The following E2F8 variants were observed in gnomAD, a reference collection of about 807,000 sequenced individuals.
E2F8 encodes E2F transcription factor 8.
In E2F8, 35 loss-of-function variants were observed where a neutral mutation model predicts 80.8. That is an observed-to-expected ratio of 0.43 (90% CI 0.33 to 0.57). The LOEUF (loss-of-function observed/expected upper bound fraction) is 0.57, where lower values mean the gene tolerates loss of function less well. E2F8 is among the 20% of genes least tolerant of loss of function. The pLI, the probability that E2F8 is intolerant of heterozygous loss-of-function variation, is 0.04. For synonymous variants in E2F8, 386 were observed against 395.0 expected (o/e 0.98, Z 0.27); for missense variants, 975 against 1,056.2 (o/e 0.92, Z 1.07).
rs1186809563 is a variant in E2F8, at chr11:19,225,225, T to G, written c.2417A>C (p.Gln806Pro). Residue 806 changes from glutamine (Q) to proline (P), a missense_variant, in exon 12 of 13, where the codon CAA becomes CCA. Coordinates refer to ENST00000250024, the MANE Select transcript of E2F8 (RefSeq NM_024680.4). ...ATTAAGTAGAAAGCCTCTCACCTGT[T>G]GTGCCCCTGTCACAGCAACTGATTG... ...NGQSVAVTGA[Q>P]QPVPVTPKGS... is the part of the protein sequence containing the mutation. The G allele has an allele frequency of 1.9e-6, 3 of 1,613,160 alleles. No homozygotes were observed. The South Asian group carries it at 3.3e-5, about 18-fold the overall frequency.
rs765576764 is a variant in E2F8 at position 19,233,864 on chromosome 11, C to T, written c.928+496G>A. On this transcript the variant is annotated intron_variant, in intron 6 of 12. Transcript: ENST00000250024. The stretch of plus-strand genomic sequence containing the variant: ...ATAAGAGTAGTGATACTTGGCCAGG[C>T]GCAGTGGCTCAGGCCTGTAATTTTG... Among the ~76,000 whole-genome samples the T allele has an allele frequency of 2.2e-4, 34 of 151,506 alleles. 1 individual carries two copies. The highest frequency in any genetic ancestry group is 2.0e-3 in the Admixed American group (30 of 15,242).
chr11:19,225,418 C>T lies in E2F8; in HGVS notation c.2224G>A (p.Gly742Arg). The T allele has an allele frequency of 6.2e-7, 1 of 1,614,100 alleles. No homozygotes were observed. Among genetic ancestry groups the T allele is most frequent in the East Asian group, 2.2e-5 (1 of 44,872 alleles). The change falls in exon 12 of 13, where the codon GGA becomes AGA. Residue 742 changes from glycine (G) to arginine (R), a missense_variant. Physicochemically the swap from Gly to Arg is moderately radical, Grantham distance 125 (BLOSUM62 -2). Transcript: ENST00000250024. Reference sequence around the variant, plus strand: ...AACTGCACATTGGGTGAGATGAGTCCCAGGTGCTGCAGGGTGAAGTTTACA... The same window carrying T: ...AACTGCACATTGGGTGAGATGAGTCTCAGGTGCTGCAGGGTGAAGTTTACA... ...AIVNFTLQHLGLISPNVQLSA... is the reference protein window; with the variant it reads ...AIVNFTLQHLRLISPNVQLSA...
intron 10 of E2F8, 147 bp from the exon 11 acceptor site, chr11:19,226,011 T>C: frequency 1.1e-6 from 1 of 874,186 alleles, no homozygotes; most frequent in East Asian, 2.5e-5. Flanking sequence ...GCTGGTCACC[T>C]GGCTCCTAGA....
chr11:19,225,762 T>C lies in E2F8; in HGVS notation c.1996A>G (p.Asn666Asp). 1 of 1,614,212 alleles carries C rather than the reference T, an allele frequency of 6.2e-7. No individual in the cohort carries two copies. ...GKENSSALSP[N>D]HRIYSSPIAG... ...ATTGGGGAGCTGTAAATCCTGTGGT[T>C]TGGGGAAAGAGCACTTGAGTTTTCT... Residue 666 changes from asparagine to aspartate, a missense_variant, in exon 11 of 13, where the codon AAC becomes GAC. Transcript: ENST00000250024.
intron 6 of E2F8, 127 bp from the exon 7 acceptor site, chr11:19,232,498 C>T: frequency 2.8e-6 from 2 of 723,278 alleles, no homozygotes; most frequent in Non-Finnish European, 4.2e-6. Context: ...GAAACATCTG[C>T]CTCCTTTTAA....
chr11:19,231,363 C>T (rs6483585), intron 7 of E2F8, among the ~76,000 whole-genome samples: 2,181 of 152,360 alleles, frequency 0.014, 44 homozygotes, highest in African/African-American at 0.049. Flanking sequence ...AAGGACCTCT[C>T]TCTGAGATTA....
In E2F8 at chr11:19,229,522, T is replaced by C. The variant is rs750531379; in HGVS notation, c.1825A>G (p.Met609Val). The C allele has an allele frequency of 3.1e-6, 5 of 1,614,270 alleles. No homozygotes were observed. The South Asian group carries it at 3.3e-5, about 11-fold the overall frequency. The change falls in exon 10 of 13, where the codon ATG becomes GTG. Residue 609 changes from methionine (M) to valine (V), a missense_variant. Transcript: ENST00000250024. This position sits in a 1 kb window ranked among gnomAD's most constrained non-coding sequence, Gnocchi z 4.3. ...TTTTTGGAACCACTGTCCTCGAGCA[T>C]GCTTGCCCTCTTTGAGCCTCTTTCT... Reference protein sequence around the residue: ...AGERGSKRASMLEDSGSKKKF... With the variant: ...AGERGSKRASVLEDSGSKKKF...
intron 6 of E2F8, among the ~76,000 whole-genome samples, chr11:19,233,709 G>C (rs1289891600): frequency 6.6e-6 from 1 of 151,840 alleles, no homozygotes; most frequent in African/African-American, 2.4e-5. Context: ...AGGTTGGTCT[G>C]GATCTCCTGA....
intron 10 of E2F8, among the ~76,000 whole-genome samples, chr11:19,227,613 C>T (rs574533576): frequency 6.6e-6 from 1 of 152,218 alleles, no homozygotes; most frequent in Non-Finnish European, 1.5e-5. Context: ...AGCCCTTCCA[C>T]CCCTTCCTCC....
At chr11:19,225,697 G>C (rs192685979) in intron 11 of E2F8, 35 bp downstream of exon 11, 20 of 1,612,346 alleles carry the variant, frequency 1.2e-5, no homozygotes, top group Non-Finnish European at 1.5e-5. Context: ...ACTTGAGACC[G>C]GCCCACATCT....
At position 19,237,916 on chromosome 11, in the gene E2F8, C is replaced by G; in HGVS notation, c.232G>C (p.Asp78His). ...TTGTCAAACAAACCCCTTTTCTGAT[C>G]TCTGTTGCGGATCTCAGGGCTCACA... The part of the protein sequence containing the change: ...SAVSPEIRNR[D>H]QKRGLFDNRS... The change falls in exon 3 of 13, where the codon GAT (aspartate) becomes CAT (histidine). Residue 78 changes from aspartate to histidine, a missense_variant. By Grantham distance (81) the Asp-to-His change is moderately conservative. Coordinates refer to ENST00000250024, the MANE Select transcript of E2F8 (RefSeq NM_024680.4). 2 of 1,614,032 alleles carry G rather than the reference C, an allele frequency of 1.2e-6. No individual in the cohort carries two copies. The highest frequency in any genetic ancestry group is 1.7e-6 in the Non-Finnish European group (2 of 1,180,020).
rs983548882 is a variant in E2F8, at chr11:19,229,914, G to A, written c.1433C>T (p.Pro478Leu). ...TGTCAGCTCCATCTCAGCATTCACT[G>A]GGGGGTCCAGAGGGGCTACTGGTTT... Reference protein sequence around the residue: ...PCKPVAPLDPPVNAEMELTAP... With the variant: ...PCKPVAPLDPLVNAEMELTAP... The change falls in exon 10 of 13, where the codon CCA becomes CTA. Residue 478 changes from proline to leucine, a missense_variant. Pro to Leu is a moderately conservative substitution (Grantham distance 98). Transcript: ENST00000250024. This position sits in a 1 kb window ranked among gnomAD's most constrained non-coding sequence, Gnocchi z 4.3. 3.7e-6 allele frequency: 6 copies of A among 1,613,950 alleles called. No homozygotes were observed. Among genetic ancestry groups the A allele is most frequent in the Non-Finnish European group, 5.1e-6 (6 of 1,179,976 alleles).
rs1851185610 is a variant in E2F8 at position 19,224,806 on chromosome 11, A to G, written c.2456T>C (p.Val819Ala). ...VPVTPKGSQL[V>A]AESFFRTPGG... is the part of the protein sequence containing the mutation. ...TGGGGTACGGAAGAAACTTTCGGCC[A>G]CTAATTGTGACCCTTTGGGTGTCAC... The change falls in exon 13 of 13, where the codon GTG becomes GCG. Residue 819 changes from valine to alanine, a missense_variant. Coordinates refer to ENST00000250024, the MANE Select transcript of E2F8 (RefSeq NM_024680.4). The G allele has an allele frequency of 1.2e-6, 2 of 1,614,102 alleles. No individual in the cohort carries two copies. The highest frequency in any genetic ancestry group is 1.3e-5 in the African/African-American group (1 of 74,932).
chr11:19,239,630 T>G (rs1399291930), intron 2 of E2F8, among the ~76,000 whole-genome samples: 1 of 151,956 alleles, frequency 6.6e-6, no homozygotes, highest in Non-Finnish European at 1.5e-5. Context: ...AAATGCCCTT[T>G]CTGAATTCCA....
chr11:19,237,802 C>A lies in E2F8; in HGVS notation c.294+52G>T, dbSNP rs1341084713. The A allele has an allele frequency of 2.2e-5, 34 of 1,562,728 alleles. No individual in the cohort carries two copies. The East Asian group carries it at 5.0e-4, about 23-fold the overall frequency. On this transcript the variant is annotated intron_variant, in intron 3 of 12. Transcript: ENST00000250024. ...CACTTCTCTAATAGCTACAACCTCCCCCCTCCCCCCAACAAATTCCCCAGC... is the reference window on the plus strand; with the variant it reads ...CACTTCTCTAATAGCTACAACCTCCACCCTCCCCCCAACAAATTCCCCAGC...
Position 19,230,820 on chromosome 11 carries a change from T to A in E2F8, c.1081A>T (p.Ile361Phe). 6.2e-7 allele frequency: 1 copy of A among 1,614,090 alleles called. No homozygotes were observed. The highest frequency in any genetic ancestry group is 1.1e-5 in the South Asian group (1 of 91,078). The change falls in exon 8 of 13, where the codon ATT (isoleucine) becomes TTT (phenylalanine). Residue 361 changes from isoleucine to phenylalanine, a missense_variant. Transcript: ENST00000250024. The part of the protein sequence containing the change: ...SPNTSGSSPV[I>F]HFTPSDLEVR... ...TCCAAATCAGAGGGAGTAAAATGAA[T>A]GACTGGGCTGGAGCCTGAAACAGAA...
rs749297029 is a variant in E2F8 at position 19,234,499 on chromosome 11, G to A, written c.789C>T (p.Asp263=). 1.2e-5 allele frequency: 19 copies of A among 1,614,074 alleles called. No homozygotes were observed. The highest frequency in any genetic ancestry group is 1.5e-5 in the Non-Finnish European group (18 of 1,180,028). ...FRAASVNSRK[D]KSLRVMSQKF... ...TCTGGCTCATTACCCTTAAAGACTTGTCTTTGCGGCTGTTTACAGAAGCTT... is the reference window on the plus strand; with the variant it reads ...TCTGGCTCATTACCCTTAAAGACTTATCTTTGCGGCTGTTTACAGAAGCTT... Residue 263 remains aspartate (D), a synonymous_variant, in exon 6 of 13, where the codon GAC becomes GAT. Coordinates refer to ENST00000250024, the MANE Select transcript of E2F8 (RefSeq NM_024680.4).
At position 19,225,574 on chromosome 11, in the gene E2F8, A is replaced by T. The variant is rs757743209; in HGVS notation, c.2068T>A (p.Phe690Ile). 3 of 1,614,196 alleles carry T rather than the reference A, an allele frequency of 1.9e-6. No homozygotes were observed. Among genetic ancestry groups the T allele is most frequent in the Non-Finnish European group, 8.5e-7 (1 of 1,180,028 alleles). ...VTSSELTAVN[F>I]PSFHVTPLKL... ...AACGGTGTTACATGAAAAGAGGGAA[A>T]ATTAACAGCAGTGAGTTCAGATGAT... Residue 690 changes from phenylalanine (F) to isoleucine (I), a missense_variant, in exon 12 of 13, where the codon TTT becomes ATT. Coordinates refer to ENST00000250024, the MANE Select transcript of E2F8 (RefSeq NM_024680.4).
chr11:19,234,703 C>T (rs793269), intron 5 of E2F8, 41 bp downstream of exon 5: 1,572,224 of 1,575,550 alleles, frequency 1, 784,521 homozygotes, highest in East Asian at 1. Context: ...AGACAGAGGA[C>T]AAATGCCATG....
Sources: gnomAD v4.1 joint callset for allele counts (sites outside exome capture counted in the v4.1 genomes callset) on GRCh38, gnomAD v4.1.1 for gene constraint, Gnocchi (gnomAD v3.1) non-coding constraint, MANE v1.5 for transcripts, NCBI Gene and HGNC (gene_info 2026-07-23, HGNC 2026-07-21) for gene names.